The following MDN1 variants were observed in gnomAD, a reference collection of about 807,000 sequenced individuals.
MDN1 encodes the protein midasin.
In MDN1, 266 loss-of-function variants were observed where a neutral mutation model predicts 669.2. That is an observed-to-expected ratio of 0.40 (90% confidence interval 0.36 to 0.44). The LOEUF (loss-of-function observed/expected upper bound fraction) is 0.44. Among genes scored for constraint, MDN1 ranks in the 20% least tolerant of loss-of-function variants. MDN1 has a pLI of 1.00. For synonymous variants in MDN1, 2,385 were observed against 2,457.1 expected (o/e 0.97, Z 0.87); for missense variants, 5,940 against 6,754.0 (o/e 0.88, Z 4.22).
intron 2 of MDN1, among the ~76,000 whole-genome samples, chr6:89,803,082 G>A (rs1278897721): frequency 6.6e-6 from 1 of 152,174 alleles, no homozygotes; most frequent in African/African-American, 2.4e-5. Flanking sequence ...GAGCACTGGG[G>A]ACATATCCTG....
chr6:89,719,733 A>C (rs1451815328), intron 40 of MDN1, among the ~76,000 whole-genome samples: 2 of 152,220 alleles, frequency 1.3e-5, no homozygotes, highest in African/African-American at 4.8e-5. Context: ...AACAGCACTC[A>C]CAAGAGTTAT....
At chr6:89,771,673 A>G in intron 14 of MDN1, 52 bp from the exon 15 acceptor site, 2 of 1,444,040 alleles carry the variant, frequency 1.4e-6, no homozygotes, top group South Asian at 2.3e-5. Flanking sequence ...AAGACCGATA[A>G]TATCCAGTGT....
At chr6:89,644,274 C>T (rs1808336647) in intron 101 of MDN1, 81 bp from the exon 102 acceptor site, 1 of 1,175,628 alleles carries the variant, frequency 8.5e-7, no homozygotes. Flanking sequence ...ATCTCTTTTG[C>T]TAACTTTTAC....
rs1290736762 is a variant in MDN1 at position 89,712,136 on chromosome 6, G to A, written c.7551C>T (p.Val2517=). 3 of 1,614,002 alleles carry A rather than the reference G, an allele frequency of 1.9e-6. No individual in the cohort carries two copies. Among genetic ancestry groups the A allele is most frequent in the African/African-American group, 1.3e-5 (1 of 74,924 alleles). Residue 2517 remains valine (V), a synonymous_variant, in exon 49 of 102, where the codon GTC becomes GTT. Coordinates refer to ENST00000369393, the MANE Select transcript of MDN1 (RefSeq NM_014611.3). ...TYWIDEPDVL[V]MAVKLLIERA... The stretch of plus-strand genomic sequence containing the variant: ...TTTCTATGAGCAATTTAACAGCCAT[G>A]ACCAAAACATCTGGTTCATCGATCC...
rs754078420 is a variant in MDN1 at position 89,708,576 on chromosome 6, C to T, written c.7818G>A (p.Met2606Ile). The T allele has an allele frequency of 6.2e-7, 1 of 1,614,040 alleles. No individual in the cohort carries two copies. Among genetic ancestry groups the T allele is most frequent in the Non-Finnish European group, 8.5e-7 (1 of 1,179,902 alleles). Reference protein sequence around the residue: ...DPRWNMQALDMIRNLMDFDPQ... With the variant: ...DPRWNMQALDIIRNLMDFDPQ... ...GGTCAAAGTCCATCAAATTTCTAAT[C>T]ATGTCCAGAGCCTGCATATTCCATC... The change falls in exon 51 of 102, where the codon ATG becomes ATA. Residue 2606 changes from methionine to isoleucine, a missense_variant. This residue lies in a region of MDN1 where 2,292 missense variants were observed against 2,638.3 expected (regional missense o/e 0.87). Coordinates refer to ENST00000369393, the MANE Select transcript of MDN1 (RefSeq NM_014611.3).
chr6:89,762,555 AT>A (rs1321995413), intron 15 of MDN1, 25 bp from the exon 16 acceptor site: 1 of 1,545,170 alleles, frequency 6.5e-7, no homozygotes, highest in Non-Finnish European at 8.9e-7. Flanking sequence ...GGTAAATGTG[AT>A]TCACAAACTT....
chr6:89,756,790 G>A (rs1019629025), intron 19 of MDN1, among the ~76,000 whole-genome samples: 10 of 152,084 alleles, frequency 6.6e-5, no homozygotes, highest in Admixed American at 3.9e-4. Context: ...GTGTGTTGGC[G>A]GGTGCCTGTA....
At position 89,688,780 on chromosome 6, in the gene MDN1, G is replaced by A. The variant is rs2128307757; in HGVS notation, c.11052C>T (p.Gly3684=). Residue 3684 remains glycine (G), a synonymous_variant, in exon 66 of 102, where the codon GGC becomes GGT. Transcript: ENST00000369393. ...AGAGGGTACAGGCCAAAAGTTGGCT[G>A]CCCAAGAGTCGGTCATTCAGTTCAA... The part of the protein sequence containing the change: ...MGVELNDRLL[G]SQLLACTLSH... 2 of 1,614,164 alleles carry A rather than the reference G, an allele frequency of 1.2e-6. No homozygotes were observed. The highest frequency in any genetic ancestry group is 1.3e-5 in the African/African-American group (1 of 75,046).
chr6:89,808,651 A>G (rs1038436068), intron 1 of MDN1, among the ~76,000 whole-genome samples: 2 of 151,838 alleles, frequency 1.3e-5, no homozygotes, highest in Non-Finnish European at 2.9e-5. Context: ...TATTCCAACT[A>G]CCGCCCCAAC....
At chr6:89,803,620 C>T (rs182334464) in intron 1 of MDN1, 66 bp from the exon 2 acceptor site, 14,117 of 1,192,112 alleles carry the variant, frequency 0.012, 103 homozygotes, top group Non-Finnish European at 0.015. Flanking sequence ...CTCGCTCTGT[C>T]GCCCAGGAGC....
At position 89,672,488 on chromosome 6, in the gene MDN1, C is replaced by A. The variant is rs976310084; in HGVS notation, c.13630+59G>T. 2.6e-5 allele frequency: 42 copies of A among 1,596,378 alleles called. No homozygotes were observed. The African/African-American group carries it at 5.2e-4, about 20-fold the overall frequency. On this transcript the variant is annotated intron_variant, in intron 81 of 101. Transcript: ENST00000369393. ...TAACTATTTAGCCACAGAAATAAAT[C>A]ATCAAATACAAAAATTAAATCAGGC...
intron 19 of MDN1, among the ~76,000 whole-genome samples, chr6:89,757,357 T>C (rs1174693014): frequency 1.3e-5 from 2 of 152,222 alleles, no homozygotes; most frequent in African/African-American, 4.8e-5. Context: ...ATGCGTATAC[T>C]GGTATATGTT....
intron 76 of MDN1, among the ~76,000 whole-genome samples, chr6:89,676,558 G>A (rs1395824077): frequency 6.6e-6 from 1 of 152,220 alleles, no homozygotes; most frequent in Non-Finnish European, 1.5e-5. Flanking sequence ...AGTGACAGCT[G>A]ACCTCAACGT....
At chr6:89,816,738 G>C (rs1283211087) in intron 1 of MDN1, among the ~76,000 whole-genome samples, 1 of 143,056 alleles carries the variant, frequency 7.0e-6, no homozygotes, top group Non-Finnish European at 1.5e-5. Context: ...GCAGTGGTGC[G>C]ATCTCAGCTC....
chr6:89,809,554 T>C (rs1430945137), intron 1 of MDN1, among the ~76,000 whole-genome samples: 3 of 151,722 alleles, frequency 2.0e-5, no homozygotes, highest in Non-Finnish European at 4.4e-5. Flanking sequence ...GGCGGGTGGA[T>C]TACTTGAGGT....
chr6:89,690,597 G>A, intron 64 of MDN1, 76 bp downstream of exon 64: 2 of 1,530,002 alleles, frequency 1.3e-6, no homozygotes, highest in South Asian at 1.2e-5. Context: ...AAGAGGAAGA[G>A]AGAAAGCCAT....
intron 1 of MDN1, among the ~76,000 whole-genome samples, chr6:89,812,214 G>C (rs976307312): frequency 6.6e-6 from 1 of 151,806 alleles, no homozygotes; most frequent in Non-Finnish European, 1.5e-5. Flanking sequence ...TCAAACTCCT[G>C]ACCTCGTGAT....
At chr6:89,788,210 C>A (rs1477005185) in intron 7 of MDN1, among the ~76,000 whole-genome samples, 2 of 152,040 alleles carry the variant, frequency 1.3e-5, no homozygotes, top group Non-Finnish European at 2.9e-5. Context: ...CAGACAGGAC[C>A]AAGGCTTTAG....
In MDN1 at chr6:89,740,280, C is replaced by G; in HGVS notation, c.4547G>C (p.Arg1516Pro). The change falls in exon 32 of 102, where the codon CGT becomes CCT. Residue 1516 changes from arginine to proline, a missense_variant. Around this residue, in one of 5 missense-constraint regions of MDN1, gnomAD observed 2,292 missense variants for 2,638.3 expected, o/e 0.87. Transcript: ENST00000369393. ...CCCAGGGTTCATGGTTGCTAGAATACGAAATTTTTTCCCAGCAGTCAACAG... is the reference window on the plus strand; with the variant it reads ...CCCAGGGTTCATGGTTGCTAGAATAGGAAATTTTTTCCCAGCAGTCAACAG... ...IELLTAGKKF[R>P]ILATMNPGGD... is the part of the protein sequence containing the mutation. 1 of 1,611,720 alleles carries G rather than the reference C, an allele frequency of 6.2e-7. No individual in the cohort carries two copies. The highest frequency in any genetic ancestry group is 1.1e-5 in the South Asian group (1 of 90,552).
Sources: gnomAD v4.1 joint callset for allele counts (sites outside exome capture counted in the v4.1 genomes callset) on GRCh38, gnomAD v4.1.1 for gene constraint, gnomAD v4.1.1 regional missense constraint, MANE v1.5 for transcripts, NCBI Gene and HGNC (gene_info 2026-07-23, HGNC 2026-07-21) for gene names.